The following TPM4 variants were observed in gnomAD, a reference collection of about 807,000 sequenced individuals.
TPM4 encodes the protein tropomyosin alpha-4 chain.
Under a neutral mutation model 35.8 loss-of-function variants are expected in TPM4, and 17 were observed. The observed-to-expected ratio is 0.47, with a 90% CI of 0.32 to 0.71. The LOEUF is 0.71. Among genes scored for constraint, TPM4 ranks in the 30% least tolerant of loss-of-function variants. TPM4 has a pLI of 0.03. For missense variants in TPM4, 240 were observed against 320.9 expected (o/e 0.75, Z 1.93); for synonymous variants, 120 against 122.9 (o/e 0.98, Z 0.15).
chr19:16,069,628 G>GTGTGT (rs1568296289), intron 2 of TPM4, among the ~76,000 whole-genome samples: 3 of 150,602 alleles, frequency 2.0e-5, no homozygotes, highest in African/African-American at 7.4e-5. Context: ...GTGTGTGTGT[G>GTGTGT]GGTGAGTGTG....
intron 3 of TPM4, 96 bp from the exon 4 acceptor site, chr19:16,087,931 G>A: frequency 7.7e-7 from 1 of 1,296,382 alleles, no homozygotes; most frequent in Non-Finnish European, 1.1e-6. Context: ...CTGGTCTAGG[G>A]GTCTGGGTGG....
At chr19:16,071,219 G>C (rs190309621) in intron 2 of TPM4, among the ~76,000 whole-genome samples, 1 of 152,206 alleles carries the variant, frequency 6.6e-6, no homozygotes, top group Non-Finnish European at 1.5e-5. Context: ...TTTAGAGATG[G>C]GGGTCTCACT....
chr19:16,080,871 G>A, intron 1 of TPM4: 1 of 395,382 alleles, frequency 2.5e-6, no homozygotes, highest in Non-Finnish European at 4.5e-6. Context: ...TTTGGCCCTG[G>A]AGTTCCTGGT....
upstream of TPM4, chr19:16,076,350 C>G (rs537148856): frequency 1.5e-4 from 220 of 1,463,956 alleles, 2 homozygotes; most frequent in South Asian, 3.0e-3. Context: ...GCCAGCGGTG[C>G]CGACGTCAGG....
At chr19:16,095,129 T>G (rs2090678340) in intron 7 of TPM4, 1 of 386,754 alleles carries the variant, frequency 2.6e-6, no homozygotes, top group South Asian at 1.1e-4. Context: ...GAACACAGCT[T>G]TCTCCTAGTC....
Position 16,082,007 on chromosome 19 carries a change from A to T in TPM4, c.227A>T (p.Lys76Met). The T allele has an allele frequency of 3.1e-6, 5 of 1,610,576 alleles. No individual in the cohort carries two copies. The highest frequency in any genetic ancestry group is 4.2e-6 in the Non-Finnish European group (5 of 1,177,082). Reference protein sequence around the residue: ...AQERLATALQKLEEAEKAADE... With the variant: ...AQERLATALQMLEEAEKAADE... ...GAACGACTGGCCACGGCCCTGCAGA[A>T]GCTGGAGGAGGCAGAAAAAGCTGCA... The change falls in exon 2 of 8, where the codon AAG (lysine) becomes ATG (methionine). Residue 76 changes from lysine to methionine, a missense_variant. Transcript: ENST00000643579.
At chr19:16,092,458 ACT>A (rs1441645339) in intron 5 of TPM4, among the ~76,000 whole-genome samples, 6 of 147,326 alleles carry the variant, frequency 4.1e-5, no homozygotes, top group Non-Finnish European at 9.0e-5. Flanking sequence ...ATCCTACAGG[ACT>A]CTCCCCAACA....
intron 7 of TPM4, among the ~76,000 whole-genome samples, 199 bp downstream of exon 7, chr19:16,093,952 C>CTTTTT (rs35095689): frequency 1.2e-4 from 13 of 108,786 alleles, no homozygotes; most frequent in Non-Finnish European, 2.0e-4. Flanking sequence ...TTGAATGGCC[C>CTTTTT]TTTTTTTTTT....
intron 3 of TPM4, 117 bp downstream of exon 3, chr19:16,086,657 T>C (rs1276061633): frequency 1.3e-6 from 1 of 776,266 alleles, no homozygotes; most frequent in Non-Finnish European, 2.1e-6. Flanking sequence ...GCTGTCCTCC[T>C]GCGTGAACAT....
chr19:16,071,942 G>A (rs138258526), upstream of TPM4, among the ~76,000 whole-genome samples: 2 of 152,312 alleles, frequency 1.3e-5, no homozygotes, highest in East Asian at 3.9e-4. Context: ...GGGAAACTGA[G>A]GCTCACAGAG....
At chr19:16,099,238 C>T (rs539571018) in intron 7 of TPM4, among the ~76,000 whole-genome samples, 61 of 152,204 alleles carry the variant, frequency 4.0e-4, no homozygotes, top group Middle Eastern at 6.8e-3. Context: ...CGCCACCACA[C>T]CCGGCTAATT....
intron 5 of TPM4, among the ~76,000 whole-genome samples, chr19:16,091,952 G>A (rs539565480): frequency 6.6e-6 from 1 of 152,040 alleles, no homozygotes; most frequent in South Asian, 2.1e-4. Context: ...GATCACCTGA[G>A]GTCAGGAGTT....
At chr19:16,097,210 T>C (rs916507147) in intron 7 of TPM4, among the ~76,000 whole-genome samples, 1 of 151,950 alleles carries the variant, frequency 6.6e-6, no homozygotes, top group Non-Finnish European at 1.5e-5. Context: ...CACCTCAGCT[T>C]CCAAAAATGC....
upstream of TPM4, chr19:16,076,317 AG>A: frequency 6.6e-7 from 1 of 1,504,650 alleles, no homozygotes; most frequent in South Asian, 1.3e-5. Context: ...AGTCCCGAAA[AG>A]GGGCACTTTC....
intron 7 of TPM4, among the ~76,000 whole-genome samples, chr19:16,096,363 T>A (rs1345862257): frequency 7.2e-5 from 11 of 152,160 alleles, no homozygotes; most frequent in Admixed American, 7.2e-4. Flanking sequence ...ACCGCGCCCA[T>A]CCCCAATGGT....
At chr19:16,101,029 G>A (rs1356342632) in intron 7 of TPM4, 2 of 338,728 alleles carry the variant, frequency 5.9e-6, no homozygotes, top group East Asian at 6.3e-5. Context: ...AATTAGCCGG[G>A]TGGTGGTGGC....
intron 1 of TPM4, among the ~76,000 whole-genome samples, chr19:16,078,830 T>TAAAA (rs55714667): frequency 0.3 from 37,872 of 125,582 alleles, 5,760 homozygotes; most frequent in East Asian, 0.52. Flanking sequence ...AGGGGTGGGT[T>TAAAA]AAAAAAAAAA....
upstream of TPM4, chr19:16,076,214 C>T (rs1490893805): frequency 1.3e-6 from 2 of 1,549,562 alleles, no homozygotes; most frequent in Non-Finnish European, 8.7e-7. Context: ...GGGGCCAGGC[C>T]GGAGCCCCGG....
chr19:16,077,758 G>A (rs2090429616), intron 1 of TPM4, among the ~76,000 whole-genome samples: 1 of 151,918 alleles, frequency 6.6e-6, no homozygotes. Flanking sequence ...CAATTGTGTT[G>A]TTGTTTTTTG....
Sources: gnomAD v4.1 joint callset for allele counts (sites outside exome capture counted in the v4.1 genomes callset) on GRCh38, gnomAD v4.1.1 for gene constraint, MANE v1.5 for transcripts, NCBI Gene and HGNC (gene_info 2026-07-23, HGNC 2026-07-21) for gene names.